The following LRPPRC variants were observed in gnomAD, a reference collection of about 807,000 sequenced individuals.
LRPPRC encodes the protein leucine rich pentatricopeptide repeat containing, also known as leucine-rich PPR motif-containing protein, mitochondrial.
Under a neutral mutation model 180.3 loss-of-function variants are expected in LRPPRC, and 120 were observed. That is an observed-to-expected ratio of 0.67 (90% CI 0.57 to 0.77). LRPPRC has a LOEUF of 0.77. LRPPRC is among the 30% of genes least tolerant of loss of function. The probability of loss-of-function intolerance (pLI) is 0.00; values close to 1 mark genes in which losing one functional copy is unlikely to be tolerated. For missense variants in LRPPRC, 2,012 were observed against 1,657.2 expected (o/e 1.21, Z -3.72); for synonymous variants, 723 against 600.0 (o/e 1.21, Z -3.00).
intron 27 of LRPPRC, among the ~76,000 whole-genome samples, chr2:43,919,443 T>G (rs935903042): frequency 1.3e-5 from 2 of 152,236 alleles, no homozygotes; most frequent in Non-Finnish European, 1.5e-5. Context: ...ATGTTTCTTG[T>G]GTTGACATGA....
chr2:43,899,118 C>T (rs761958386), intron 34 of LRPPRC, 101 bp downstream of exon 34: 22 of 800,998 alleles, frequency 2.7e-5, no homozygotes, highest in Admixed American at 5.9e-5. Context: ...GCACACCACA[C>T]TGAATTTCTA....
intron 30 of LRPPRC, among the ~76,000 whole-genome samples, chr2:43,906,380 G>A (rs1671068085): frequency 6.6e-6 from 1 of 152,064 alleles, no homozygotes; most frequent in Non-Finnish European, 1.5e-5. Flanking sequence ...CCTAGCTTAA[G>A]TTTGAAACAA....
intron 36 of LRPPRC, chr2:43,890,254 G>C (rs553834723): frequency 2.3e-6 from 1 of 429,508 alleles, no homozygotes; most frequent in Non-Finnish European, 4.7e-6. Context: ...AAACCACTGT[G>C]AAATCAAGAT....
At chr2:43,937,479 T>C (rs912339869) in intron 23 of LRPPRC, among the ~76,000 whole-genome samples, 3 of 152,190 alleles carry the variant, frequency 2.0e-5, no homozygotes, top group Admixed American at 6.5e-5. Flanking sequence ...TAATCTTTCA[T>C]AATAAAGCTT....
Position 43,925,128 on chromosome 2 carries a change from C to T in LRPPRC, c.2835G>A (p.Leu945=). 1 of 1,600,674 alleles carries T rather than the reference C, an allele frequency of 6.2e-7. No individual in the cohort carries two copies. ...QVETLEKLVE[L]TQKLFECDRD... is the part of the protein sequence containing the mutation. Reference sequence around the variant, plus strand: ...TATCACATTCAAATAGCTTCTGTGTCAGCTCCACTAATTTTTCCAGAGTTT... The same window carrying T: ...TATCACATTCAAATAGCTTCTGTGTTAGCTCCACTAATTTTTCCAGAGTTT... The change falls in exon 27 of 38, where the codon CTG becomes CTA. Residue 945 remains leucine (L), a synonymous_variant. Coordinates refer to ENST00000260665, the MANE Select transcript of LRPPRC (RefSeq NM_133259.4).
At chr2:43,953,316 T>TA (rs764664416) in intron 14 of LRPPRC, among the ~76,000 whole-genome samples, 6 of 152,250 alleles carry the variant, frequency 3.9e-5, no homozygotes, top group Non-Finnish European at 7.3e-5. Context: ...AATGCCAAGT[T>TA]ACCACAACCT....
chr2:43,939,013 C>T (rs1303490020), intron 23 of LRPPRC, among the ~76,000 whole-genome samples: 1 of 151,950 alleles, frequency 6.6e-6, no homozygotes, highest in Non-Finnish European at 1.5e-5. Flanking sequence ...TGGCTCACGC[C>T]TGTAATCCCA....
chr2:43,986,859 G>T (rs528779662), intron 1 of LRPPRC, among the ~76,000 whole-genome samples: 4 of 152,310 alleles, frequency 2.6e-5, no homozygotes, highest in Admixed American at 2.6e-4. Context: ...TCTAATGGCA[G>T]ATAAATAAGG....
chr2:43,974,542 T>A, intron 8 of LRPPRC, 72 bp downstream of exon 8: 1 of 1,117,484 alleles, frequency 8.9e-7, no homozygotes, highest in Non-Finnish European at 1.3e-6. Context: ...TTAGAAAATG[T>A]CCTTTCCATC....
chr2:43,943,634 TAG>T (rs1672569491), intron 23 of LRPPRC, 51 bp downstream of exon 23: 1 of 1,437,920 alleles, frequency 7.0e-7, no homozygotes, highest in African/African-American at 1.4e-5. Context: ...CGAAAATTAT[TAG>T]ACTCATTCTT....
intron 13 of LRPPRC, 74 bp from the exon 14 acceptor site, chr2:43,957,525 CAT>C: frequency 2.9e-6 from 3 of 1,029,488 alleles, no homozygotes; most frequent in Non-Finnish European, 4.6e-6. Context: ...AAATTGAAAA[CAT>C]ATTTATACCA....
At chr2:43,910,859 A>G (rs1671230981) in intron 30 of LRPPRC, among the ~76,000 whole-genome samples, 1 of 152,102 alleles carries the variant, frequency 6.6e-6, no homozygotes, top group Non-Finnish European at 1.5e-5. Context: ...TACTTTCAGG[A>G]AGCATTTCAG....
At chr2:43,992,568 T>C (rs1399603955) in intron 1 of LRPPRC, among the ~76,000 whole-genome samples, 2 of 152,046 alleles carry the variant, frequency 1.3e-5, no homozygotes, top group Non-Finnish European at 2.9e-5. Context: ...GAAAATGACA[T>C]GATCAAATTA....
At position 43,918,153 on chromosome 2, in the gene LRPPRC, T is replaced by C; in HGVS notation, c.3040-20A>G. 1 of 1,606,876 alleles carries C rather than the reference T, an allele frequency of 6.2e-7. No individual in the cohort carries two copies. The highest frequency in any genetic ancestry group is 8.5e-7 in the Non-Finnish European group (1 of 1,173,498). On this transcript the variant is annotated intron_variant, in intron 28 of 37. Transcript: ENST00000260665. ...CCACAACTTTAAAACAAAGTTATTC[T>C]GTTAAATAAAAACTGGTAATCTTTT... is the stretch of plus-strand genomic sequence containing the variant.
chr2:43,973,473 G>A, intron 11 of LRPPRC, 134 bp downstream of exon 11: 1 of 707,066 alleles, frequency 1.4e-6, no homozygotes. Context: ...ACTTCATGAT[G>A]ACTTAAAACA....
In LRPPRC at chr2:43,887,402, GGAGA is replaced by G. The variant is rs762122753; in HGVS notation, c.*1194_*1197del. The G allele has an allele frequency of 6.6e-6, 1 of 152,260 alleles. No individual in the cohort carries two copies. Among genetic ancestry groups the G allele is most frequent in the African/African-American group, 2.4e-5 (1 of 41,432 alleles). The allele number at this position is 152,260 out of a possible 1,614,324, so 9.4% of individuals were successfully genotyped here. ...CATCTGCGGGCAGGTAGCAGATGCA[GGAGA>G]GAGAGTTCCACAAGACAGAAGGTCA... On this transcript the variant is annotated 3_prime_UTR_variant, in exon 38 of 38. Transcript: ENST00000260665.
intron 12 of LRPPRC, among the ~76,000 whole-genome samples, chr2:43,962,148 G>C (rs776305079): frequency 1.3e-5 from 2 of 152,114 alleles, no homozygotes; most frequent in Non-Finnish European, 2.9e-5. Context: ...TGTTCCCTAA[G>C]ATAAGTCACT....
At chr2:43,963,948 T>A in intron 11 of LRPPRC, 1 of 557,782 alleles carries the variant, frequency 1.8e-6, no homozygotes, top group Non-Finnish European at 3.2e-6. Flanking sequence ...ATTATAAGTA[T>A]AAAGAAACTT....
rs916869013 is a variant in LRPPRC, at chr2:43,887,300, AG to A, written c.*1299del. 2.4e-4 allele frequency: 37 copies of A among 152,360 alleles called. No individual in the cohort carries two copies. The highest frequency in any genetic ancestry group is 8.2e-4 in the African/African-American group (34 of 41,572). 9.4% of individuals were successfully genotyped at this position (152,360 alleles called of 1,614,324 possible). On this transcript the variant is annotated 3_prime_UTR_variant, in exon 38 of 38. Transcript: ENST00000260665. ...CTTCCTTAAATCTAACGCCACAAAA[AG>A]AGTTGAAGTAAAAGCCTGGCCAATA...
Sources: gnomAD v4.1 joint callset for allele counts (sites outside exome capture counted in the v4.1 genomes callset) on GRCh38, gnomAD v4.1.1 for gene constraint, MANE v1.5 for transcripts, NCBI Gene and HGNC (gene_info 2026-07-23, HGNC 2026-07-21) for gene names.